The following RANBP10 variants were observed in gnomAD, a reference collection of about 807,000 sequenced individuals.
RANBP10 encodes the protein ran-binding protein 10.
Under a neutral mutation model 72.8 loss-of-function variants are expected in RANBP10, and 24 were observed. The observed-to-expected ratio is 0.33, with a 90% CI of 0.24 to 0.46. The LOEUF (loss-of-function observed/expected upper bound fraction) is 0.46. Ranked by LOEUF, RANBP10 falls within the 20% of genes least tolerant of loss-of-function variation. The pLI is 1.00. For missense variants in RANBP10, 679 were observed against 817.5 expected (o/e 0.83, Z 2.07); for synonymous variants, 310 against 322.3 (o/e 0.96, Z 0.41).
chr16:67,760,385 C>T lies in RANBP10; in HGVS notation c.400+11649G>A, dbSNP rs115041581. The stretch of plus-strand genomic sequence containing the variant: ...TCAGTGGTTCCTCTTCCATGGCACA[C>T]GCAGATGTGAAATATCAGCTGTTTG... On this transcript the variant is annotated intron_variant, in intron 3 of 13. Coordinates refer to ENST00000317506, the MANE Select transcript of RANBP10 (RefSeq NM_020850.3). Among the ~76,000 whole-genome samples, 1,357 of 152,294 alleles carry T rather than the reference C, an allele frequency of 8.9e-3. 23 individuals are homozygous for T. Among genetic ancestry groups the T allele is most frequent in the African/African-American group, 0.031 (1,296 of 41,548 alleles).
Position 67,724,474 on chromosome 16 carries a change from CTGA to C in RANBP10, c.*1951_*1953del, listed in dbSNP as rs1243390261. On this transcript the variant is annotated 3_prime_UTR_variant, in exon 14 of 14. Coordinates refer to ENST00000317506, the MANE Select transcript of RANBP10 (RefSeq NM_020850.3). ...GCTAGGCTATGATCATTTAAACAGCCTGATGTCTCCAACTTCTGGGTTTGGGAG... is the reference window on the plus strand; with the variant it reads ...GCTAGGCTATGATCATTTAAACAGCCTGTCTCCAACTTCTGGGTTTGGGAG... 13 of 152,224 alleles carry C rather than the reference CTGA, an allele frequency of 8.5e-5. No individual in the cohort carries two copies. The highest frequency in any genetic ancestry group is 2.9e-5 in the Non-Finnish European group (2 of 68,040). 9.4% of individuals were successfully genotyped at this position (152,224 alleles called of 1,614,324 possible).
At chr16:67,777,986 G>C (rs919024753) in intron 2 of RANBP10, among the ~76,000 whole-genome samples, 1 of 152,190 alleles carries the variant, frequency 6.6e-6, no homozygotes, top group South Asian at 2.1e-4. Context: ...AGGATGCTAA[G>C]ACCATTAGAT....
Position 67,729,381 on chromosome 16 carries a change from G to A in RANBP10, c.1251C>T (p.Ser417=), listed in dbSNP as rs1206659407. Residue 417 remains serine, a synonymous_variant, in exon 10 of 14, where the codon TCC becomes TCT. Coordinates refer to ENST00000317506, the MANE Select transcript of RANBP10 (RefSeq NM_020850.3). The surrounding 1 kb of genome is among the most constrained non-coding windows in gnomAD (Gnocchi z 7.1). ...APSSSSSSSS[S]SSSSSPSSVN... ...CGGAGGATGGGGAAGAGGACGAGGA[G>A]GAGGAGGAGGACGAGGATGAGGAGC... 1 of 1,612,676 alleles carries A rather than the reference G, an allele frequency of 6.2e-7. No individual in the cohort carries two copies.
chr16:67,764,165 G>T (rs1444486121), intron 3 of RANBP10, among the ~76,000 whole-genome samples: 1 of 152,280 alleles, frequency 6.6e-6, no homozygotes, highest in African/African-American at 2.4e-5. Context: ...ATCAGTTCTT[G>T]TTGGTTTCAA....
intron 3 of RANBP10, among the ~76,000 whole-genome samples, chr16:67,760,165 C>A (rs182253549): frequency 2.1e-4 from 32 of 151,996 alleles, no homozygotes; most frequent in Admixed American, 1.4e-3. Context: ...AGCAACCGCA[C>A]AAAGCCACCT....
Position 67,725,966 on chromosome 16 carries a change from A to G in RANBP10, c.*462T>C, listed in dbSNP as rs889539424. 3 of 147,912 alleles carry G rather than the reference A, an allele frequency of 2.0e-5. No homozygotes were observed. Among genetic ancestry groups the G allele is most frequent in the African/African-American group, 7.4e-5 (3 of 40,804 alleles). 9.2% of individuals were successfully genotyped at this position (147,912 alleles called of 1,614,324 possible). ...AATACTGTCTTTTTTTTTAATATAT[A>G]TATTTTTATATATATATATATAATC... On this transcript the variant is annotated 3_prime_UTR_variant, in exon 14 of 14. Transcript: ENST00000317506.
chr16:67,762,741 C>T (rs1336375472), intron 3 of RANBP10, among the ~76,000 whole-genome samples: 1 of 152,194 alleles, frequency 6.6e-6, no homozygotes, highest in Non-Finnish European at 1.5e-5. Context: ...GCTGATGGAG[C>T]CTGATGCAAT....
At position 67,747,810 on chromosome 16, in the gene RANBP10, T is replaced by A. The variant is rs1597852953; in HGVS notation, c.401-3355A>T. On this transcript the variant is annotated intron_variant, in intron 3 of 13. Transcript: ENST00000317506. Reference sequence around the variant, plus strand: ...ATGAGCCATGGCGCTTGGCCTCATTTTCTTTTCTTTTTTTTTTTTTTTTTT... The same window carrying A: ...ATGAGCCATGGCGCTTGGCCTCATTATCTTTTCTTTTTTTTTTTTTTTTTT... Among the ~76,000 whole-genome samples, 3 of 150,992 alleles carry A rather than the reference T, an allele frequency of 2.0e-5. No individual in the cohort carries two copies. In the South Asian group the frequency reaches 6.3e-4, roughly 32 times the overall value.
rs556339448 is a variant in RANBP10, at chr16:67,795,838, G to C, written c.347+9590C>G. On this transcript the variant is annotated intron_variant, in intron 2 of 13. Coordinates refer to ENST00000317506, the MANE Select transcript of RANBP10 (RefSeq NM_020850.3). ...CCACTGCACTCCAGCCTGGGCGACA[G>C]AGTGAGACTCCGTCTCAAAAATAAA... Among the ~76,000 whole-genome samples the C allele has an allele frequency of 1.2e-4, 18 of 151,452 alleles. No homozygotes were observed. In the East Asian group the frequency reaches 2.7e-3, roughly 23 times the overall value.
chr16:67,798,460 A>G (rs1357429853), intron 2 of RANBP10, among the ~76,000 whole-genome samples: 2 of 152,182 alleles, frequency 1.3e-5, no homozygotes, highest in African/African-American at 4.8e-5. Flanking sequence ...CTTAATCAAG[A>G]TATCTTAATT....
At chr16:67,745,039 C>G (rs2054043919) in intron 3 of RANBP10, among the ~76,000 whole-genome samples, 1 of 151,858 alleles carries the variant, frequency 6.6e-6, no homozygotes, top group South Asian at 2.1e-4. Flanking sequence ...ACCATGTTAG[C>G]CAGGATGGTC....
At chr16:67,751,251 G>A (rs905261097) in intron 3 of RANBP10, among the ~76,000 whole-genome samples, 1 of 152,164 alleles carries the variant, frequency 6.6e-6, no homozygotes. Context: ...GAAAACAACA[G>A]ATGCTTAAAT....
intron 3 of RANBP10, among the ~76,000 whole-genome samples, chr16:67,765,222 A>C (rs979146196): frequency 6.0e-5 from 9 of 150,888 alleles, no homozygotes; most frequent in African/African-American, 1.5e-4. Flanking sequence ...AAAAAAAAAA[A>C]AAAAAACATT....
At chr16:67,732,408 A>C (rs982494542) in intron 6 of RANBP10, among the ~76,000 whole-genome samples, 3 of 152,190 alleles carry the variant, frequency 2.0e-5, no homozygotes, top group African/African-American at 7.2e-5. Flanking sequence ...TACAGGAGTG[A>C]ATACCTTGGT....
At chr16:67,767,368 G>T (rs543628672) in intron 3 of RANBP10, among the ~76,000 whole-genome samples, 2 of 141,692 alleles carry the variant, frequency 1.4e-5, no homozygotes, top group African/African-American at 5.3e-5. Flanking sequence ...GAGGCAGGAA[G>T]ATCATTTGAG....
intron 3 of RANBP10, among the ~76,000 whole-genome samples, chr16:67,748,191 T>C (rs1268420149): frequency 6.6e-6 from 1 of 151,862 alleles, no homozygotes; most frequent in African/African-American, 2.4e-5. Context: ...GTTGACTCTC[T>C]AGATCAATTT....
chr16:67,776,766 T>C (rs565554821), intron 2 of RANBP10, among the ~76,000 whole-genome samples: 1 of 147,460 alleles, frequency 6.8e-6, no homozygotes, highest in South Asian at 2.1e-4. Flanking sequence ...AGCAAGACTT[T>C]GTCTCAAAAA....
At position 67,787,218 on chromosome 16, in the gene RANBP10, G is replaced by A. The variant is rs760144808; in HGVS notation, c.348-15132C>T. On this transcript the variant is annotated intron_variant, in intron 2 of 13. Coordinates refer to ENST00000317506, the MANE Select transcript of RANBP10 (RefSeq NM_020850.3). ...AGCGCCAGTGCACTCTAGCCTGGGT[G>A]ACAGAGTGAGACTCTATCTCAATCA... Among the ~76,000 whole-genome samples, 84 of 152,238 alleles carry A rather than the reference G, an allele frequency of 5.5e-4. 1 individual carries two copies. The highest frequency in any genetic ancestry group is 1.7e-3 in the South Asian group (8 of 4,826).
chr16:67,777,392 CG>C (rs1376417014), intron 2 of RANBP10, among the ~76,000 whole-genome samples: 1 of 151,664 alleles, frequency 6.6e-6, no homozygotes, highest in Non-Finnish European at 1.5e-5. Flanking sequence ...AAAATTTAGC[CG>C]GGCATGGTGG....
Sources: gnomAD v4.1 joint callset for allele counts (sites outside exome capture counted in the v4.1 genomes callset) on GRCh38, gnomAD v4.1.1 for gene constraint, Gnocchi (gnomAD v3.1) non-coding constraint, MANE v1.5 for transcripts, NCBI Gene and HGNC (gene_info 2026-07-23, HGNC 2026-07-21) for gene names.